Variants in ADAMTS16 observed in about 807,000 individuals in gnomAD.
ADAMTS16 encodes A disintegrin and metalloproteinase with thrombospondin motifs 16.
In ADAMTS16, 94 loss-of-function variants were observed where a neutral mutation model predicts 145.8. The observed-to-expected ratio is 0.64, with a 90% CI of 0.55 to 0.77. The LOEUF (loss-of-function observed/expected upper bound fraction) is 0.77, where lower values mean the gene tolerates loss of function less well. ADAMTS16 is among the 30% of genes least tolerant of loss of function. The probability of loss-of-function intolerance (pLI) is 0.00; values close to 1 mark genes in which losing one functional copy is unlikely to be tolerated. For synonymous variants in ADAMTS16, 659 were observed against 604.3 expected (o/e 1.09, Z -1.33); for missense variants, 1,585 against 1,591.5 (o/e 1.00, Z 0.07).
intron 18 of ADAMTS16, among the ~76,000 whole-genome samples, chr5:5,273,547 A>G (rs561388483): frequency 2.3e-4 from 35 of 152,328 alleles, no homozygotes; most frequent in Middle Eastern, 6.8e-3. Context: ...AATAAAAGAT[A>G]AACACTGTTA....
chr5:5,155,868 C>T (rs1199137514), intron 3 of ADAMTS16, among the ~76,000 whole-genome samples: 2 of 151,660 alleles, frequency 1.3e-5, no homozygotes, highest in African/African-American at 4.8e-5. Flanking sequence ...AGTGAGGGAG[C>T]CAACAGAAAG....
chr5:5,162,827 C>T (rs191645595), intron 3 of ADAMTS16, among the ~76,000 whole-genome samples: 2 of 152,190 alleles, frequency 1.3e-5, no homozygotes, highest in South Asian at 2.1e-4. Flanking sequence ...AAAACACATA[C>T]ATTTAAAGCA....
intron 18 of ADAMTS16, among the ~76,000 whole-genome samples, chr5:5,272,723 G>A (rs958955505): frequency 1.3e-5 from 2 of 152,168 alleles, no homozygotes; most frequent in South Asian, 2.1e-4. Flanking sequence ...CCCACGAACG[G>A]CACAGTCAGG....
chr5:5,312,131 G>A (rs1322045413), intron 21 of ADAMTS16, among the ~76,000 whole-genome samples: 1 of 152,076 alleles, frequency 6.6e-6, no homozygotes, highest in Non-Finnish European at 1.5e-5. Context: ...CTGGGAACCC[G>A]GGGAGAAGCA....
chr5:5,250,738 C>CGCGCGT (rs1553994636), intron 17 of ADAMTS16, among the ~76,000 whole-genome samples: 16 of 82,118 alleles, frequency 1.9e-4, no homozygotes, highest in South Asian at 4.3e-4. Flanking sequence ...TGTGTGTGTG[C>CGCGCGT]GCGCACTCCT....
At chr5:5,277,541 C>CAAGA (rs748246173) in intron 18 of ADAMTS16, among the ~76,000 whole-genome samples, 10 of 152,194 alleles carry the variant, frequency 6.6e-5, no homozygotes, top group Non-Finnish European at 1.3e-4. Flanking sequence ...CAATGCAAGG[C>CAAGA]AAGAATCCAT....
intron 5 of ADAMTS16, among the ~76,000 whole-genome samples, chr5:5,186,454 C>T (rs1371098096): frequency 6.6e-6 from 1 of 151,360 alleles, no homozygotes; most frequent in African/African-American, 2.4e-5. Context: ...ACTTCATAGA[C>T]TAATTCAGTA....
intron 18 of ADAMTS16, among the ~76,000 whole-genome samples, chr5:5,273,297 G>T (rs755594914): frequency 6.6e-6 from 1 of 152,204 alleles, no homozygotes; most frequent in South Asian, 2.1e-4. Flanking sequence ...GCAAGTGGAC[G>T]GCTTGAGCTC....
At chr5:5,238,483 G>A (rs1331175651) in intron 14 of ADAMTS16, among the ~76,000 whole-genome samples, 1 of 152,208 alleles carries the variant, frequency 6.6e-6, no homozygotes, top group African/African-American at 2.4e-5. Flanking sequence ...ATTTTAGAAA[G>A]GTAGTATCTA....
chr5:5,239,913 A>G lies in ADAMTS16; in HGVS notation c.2511A>G (p.Thr837=). The part of the protein sequence containing the change: ...NLIATGPTNE[T]LIVELLFQGR... ...TCGCTACTGGACCAACCAACGAGAC[A>G]CTGATTGTGGAGGTAAAGTCCAGCC... The change falls in exon 16 of 23, where the codon ACA becomes ACG. Residue 837 remains threonine (T), a synonymous_variant. Coordinates refer to ENST00000274181, the MANE Select transcript of ADAMTS16 (RefSeq NM_139056.4). 2 of 1,613,928 alleles carry G rather than the reference A, an allele frequency of 1.2e-6. No individual in the cohort carries two copies. Among genetic ancestry groups the G allele is most frequent in the Non-Finnish European group, 1.7e-6 (2 of 1,179,922 alleles).
intron 8 of ADAMTS16, among the ~76,000 whole-genome samples, chr5:5,192,726 A>G (rs1735697971): frequency 6.6e-6 from 1 of 152,198 alleles, no homozygotes; most frequent in Non-Finnish European, 1.5e-5. Flanking sequence ...TGAAATGCTT[A>G]CAATTGTAGA....
chr5:5,268,710 G>A (rs1327506508), intron 18 of ADAMTS16, among the ~76,000 whole-genome samples: 1 of 152,182 alleles, frequency 6.6e-6, no homozygotes, highest in African/African-American at 2.4e-5. Flanking sequence ...CCCAGGCTAA[G>A]GTCTGGCCCA....
chr5:5,174,850 C>T (rs1367313310), intron 3 of ADAMTS16, among the ~76,000 whole-genome samples: 1 of 152,168 alleles, frequency 6.6e-6, no homozygotes, highest in Non-Finnish European at 1.5e-5. Context: ...CTGGCTGCCT[C>T]CAATGCTCAT....
chr5:5,156,369 A>C (rs1734602804), intron 3 of ADAMTS16, among the ~76,000 whole-genome samples: 1 of 152,210 alleles, frequency 6.6e-6, no homozygotes, highest in Non-Finnish European at 1.5e-5. Flanking sequence ...CAAAGAATGA[A>C]TGATTTTTGC....
intron 18 of ADAMTS16, among the ~76,000 whole-genome samples, chr5:5,267,069 G>T (rs1019744131): frequency 3.3e-5 from 5 of 152,126 alleles, no homozygotes; most frequent in African/African-American, 1.2e-4. Context: ...GAAACTGGAG[G>T]AGCTCCCTTT....
chr5:5,267,088 G>T (rs75867563), intron 18 of ADAMTS16, among the ~76,000 whole-genome samples: 44 of 152,182 alleles, frequency 2.9e-4, no homozygotes, highest in African/African-American at 1.1e-3. Context: ...TTTCCCCCTC[G>T]CAGGGTGTGC....
intron 18 of ADAMTS16, among the ~76,000 whole-genome samples, chr5:5,276,930 T>C (rs1738724279): frequency 6.6e-6 from 1 of 152,152 alleles, no homozygotes; most frequent in Non-Finnish European, 1.5e-5. Context: ...TATGTTTTAG[T>C]GTCACGATTT....
chr5:5,211,844 A>T (rs183041385), intron 10 of ADAMTS16, among the ~76,000 whole-genome samples: 4 of 152,256 alleles, frequency 2.6e-5, no homozygotes, highest in Non-Finnish European at 4.4e-5. Context: ...TTTAATTGCC[A>T]AATAATTCTC....
At chr5:5,258,173 G>A (rs560547807) in intron 17 of ADAMTS16, among the ~76,000 whole-genome samples, 7 of 152,258 alleles carry the variant, frequency 4.6e-5, no homozygotes, top group Admixed American at 1.3e-4. Flanking sequence ...ATCATCCGCC[G>A]TTAGTGATTA....
Sources: gnomAD v4.1 joint callset for allele counts (sites outside exome capture counted in the v4.1 genomes callset) on GRCh38, gnomAD v4.1.1 for gene constraint, MANE v1.5 for transcripts, NCBI Gene and HGNC (gene_info 2026-07-23, HGNC 2026-07-21) for gene names.